RELL1: variants seen among roughly 807,000 people sequenced by gnomAD.
RELL1 encodes the protein RELT-like protein 1.
RELL1 carries 10 observed loss-of-function variants against 23.0 expected under a neutral mutation model. The observed-to-expected ratio is 0.43, with a 90% CI of 0.27 to 0.74. The LOEUF (loss-of-function observed/expected upper bound fraction) is 0.74, where lower values mean the gene tolerates loss of function less well. RELL1 is among the 30% of genes least tolerant of loss of function. The pLI, the probability that RELL1 is intolerant of heterozygous loss-of-function variation, is 0.19. For synonymous variants in RELL1, 146 were observed against 146.8 expected, an observed-to-expected ratio of 0.99 and a Z score of 0.04; for missense variants, 315 against 364.4, an observed-to-expected ratio of 0.86 and a Z score of 1.10.
At chr4:37,623,882 C>A (rs966763009) in intron 6 of RELL1, among the ~76,000 whole-genome samples, 4 of 152,046 alleles carry the variant, frequency 2.6e-5, no homozygotes, top group African/African-American at 9.7e-5. Flanking sequence ...GATCCTTTTG[C>A]TTTTTAAAAA....
intron 3 of RELL1, among the ~76,000 whole-genome samples, chr4:37,646,472 A>G (rs1720714741): frequency 6.6e-6 from 1 of 152,186 alleles, no homozygotes; most frequent in Non-Finnish European, 1.5e-5. Context: ...TAAAGTGTCC[A>G]GAGCTTCAGC....
intron 6 of RELL1, among the ~76,000 whole-genome samples, chr4:37,602,895 C>A (rs1719052597): frequency 6.6e-6 from 1 of 152,282 alleles, no homozygotes; most frequent in East Asian, 1.9e-4. Context: ...TCATTCTCAC[C>A]AGTATCCAGG....
chr4:37,590,029 G>C, downstream of RELL1: 1 of 1,214,880 alleles, frequency 8.2e-7, no homozygotes, highest in Non-Finnish European at 1.2e-6. Context: ...AGCAGGGCCT[G>C]TGGTAAAAAG....
At chr4:37,651,310 G>A (rs1577590708) in intron 1 of RELL1, among the ~76,000 whole-genome samples, 1 of 152,118 alleles carries the variant, frequency 6.6e-6, no homozygotes, top group Admixed American at 6.5e-5. Flanking sequence ...ATGGAAAAAT[G>A]AGGAGAGAAA....
At chr4:37,650,928 A>G (rs887653733) in intron 1 of RELL1, among the ~76,000 whole-genome samples, 2 of 152,002 alleles carry the variant, frequency 1.3e-5, no homozygotes, top group African/African-American at 4.8e-5. Context: ...GCATTGTGGT[A>G]CACAACTGTG....
Position 37,610,806 on chromosome 4 carries a change from T to C in RELL1, c.*2540A>G, listed in dbSNP as rs1196577495. ...ATGACACCAAAAAGTTGTCCATCAT[T>C]AGTGTTTTCTAGAGAAAGTCTGTTG... On this transcript the variant is annotated 3_prime_UTR_variant, in exon 7 of 7. Coordinates refer to ENST00000454158, the MANE Select transcript of RELL1 (RefSeq NM_001085400.2). The surrounding 1 kb of genome is among the most constrained non-coding windows in gnomAD (Gnocchi z 4.1). 2.0e-5 allele frequency among the ~76,000 whole-genome samples: 3 copies of C among 152,216 alleles called. No individual in the cohort carries two copies. Among genetic ancestry groups the C allele is most frequent in the Non-Finnish European group, 4.4e-5 (3 of 68,038 alleles).
At chr4:37,629,115 G>C (rs1449734967) in intron 6 of RELL1, among the ~76,000 whole-genome samples, 1 of 152,104 alleles carries the variant, frequency 6.6e-6, no homozygotes, top group Non-Finnish European at 1.5e-5. Context: ...GTTCCTAATC[G>C]AGGGCAAGCC....
At chr4:37,589,891 C>G (rs1718511231), downstream of RELL1, among the ~76,000 whole-genome samples, 1 of 152,242 alleles carries the variant, frequency 6.6e-6, no homozygotes, top group Non-Finnish European at 1.5e-5. Context: ...CTTGGCCACC[C>G]AAATTGCTGA....
intron 1 of RELL1, among the ~76,000 whole-genome samples, chr4:37,669,552 A>G (rs1262299820): frequency 6.6e-6 from 1 of 152,126 alleles, no homozygotes; most frequent in Non-Finnish European, 1.5e-5. Flanking sequence ...CTCATTGAGA[A>G]CGGGCCATGA....
downstream of RELL1, among the ~76,000 whole-genome samples, chr4:37,589,879 G>C (rs757115067): frequency 1.3e-5 from 2 of 152,188 alleles, no homozygotes; most frequent in Non-Finnish European, 2.9e-5. Flanking sequence ...TGATCCACCC[G>C]CCTTGGCCAC....
At chr4:37,677,997 CTGAG>C (rs1483586397) in intron 1 of RELL1, among the ~76,000 whole-genome samples, 3 of 152,106 alleles carry the variant, frequency 2.0e-5, no homozygotes, top group African/African-American at 7.2e-5. Context: ...ATACCTGAGA[CTGAG>C]TAATTTATTT....
chr4:37,669,061 G>A (rs1286765747), intron 1 of RELL1, among the ~76,000 whole-genome samples: 5 of 124,180 alleles, frequency 4.0e-5, no homozygotes, highest in African/African-American at 7.8e-5. Context: ...AGGTGGGGGG[G>A]TCAGCCCCCC....
In RELL1 at chr4:37,657,100, T is replaced by C. The variant is rs182567774; in HGVS notation, c.89-7600A>G. Among the ~76,000 whole-genome samples, 612 of 152,340 alleles carry C rather than the reference T, an allele frequency of 4.0e-3. 3 individuals are homozygous for C. Among genetic ancestry groups the C allele is most frequent in the African/African-American group, 0.014 (570 of 41,568 alleles). ...AGGAGCAGCTTGGGATTTTTTAACC[T>C]TTCCCTTCTTGGATTTTGCTCCCTG... On this transcript the variant is annotated intron_variant, in intron 1 of 6. Transcript: ENST00000454158.
chr4:37,686,333 C>T lies in RELL1; in HGVS notation c.-46G>A, dbSNP rs1457623323. 2.2e-5 allele frequency: 31 copies of T among 1,422,548 alleles called. No homozygotes were observed. Among genetic ancestry groups the T allele is most frequent in the South Asian group, 2.7e-5 (2 of 73,242 alleles). The allele number at this position is 1,422,548 out of a possible 1,614,324, so 88.1% of individuals were successfully genotyped here. A position where few individuals can be genotyped will look rare whatever the true frequency, so the allele number is the denominator to read the frequency against. On this transcript the variant is annotated 5_prime_UTR_variant, in exon 1 of 7. Coordinates refer to ENST00000454158, the MANE Select transcript of RELL1 (RefSeq NM_001085400.2). Reference sequence around the variant, plus strand: ...CTCCCCCAGGGCGCCGCGTCCCGCGCTCGGGAAGGCAGAGCCGCTCCGGAG... The same window carrying T: ...CTCCCCCAGGGCGCCGCGTCCCGCGTTCGGGAAGGCAGAGCCGCTCCGGAG...
At chr4:37,634,819 TA>T in intron 5 of RELL1, 67 bp downstream of exon 5, 1 of 1,268,454 alleles carries the variant, frequency 7.9e-7, no homozygotes, top group Non-Finnish European at 1.2e-6. Flanking sequence ...ATCTGACAGG[TA>T]AGCAGAAGTC....
chr4:37,586,322 G>A (rs937940), downstream of RELL1, among the ~76,000 whole-genome samples: 140,303 of 152,152 alleles, frequency 0.92, 65,035 homozygotes, highest in Non-Finnish European at 0.98. Context: ...TAGTGCTCTC[G>A]TTTTTAATCC....
At chr4:37,620,317 G>C (rs1719723725) in intron 6 of RELL1, among the ~76,000 whole-genome samples, 1 of 152,104 alleles carries the variant, frequency 6.6e-6, no homozygotes, top group Admixed American at 6.5e-5. Context: ...TCTTTACTGG[G>C]TTATATTCTC....
intron 6 of RELL1, among the ~76,000 whole-genome samples, chr4:37,601,158 A>G (rs1719005833): frequency 6.6e-6 from 1 of 152,238 alleles, no homozygotes; most frequent in South Asian, 2.1e-4. Flanking sequence ...CTCAGGCCCC[A>G]TAGGCTTTGC....
chr4:37,643,658 A>T (rs1720600570), intron 3 of RELL1, among the ~76,000 whole-genome samples: 1 of 152,244 alleles, frequency 6.6e-6, no homozygotes, highest in South Asian at 2.1e-4. Flanking sequence ...AGAAAATATC[A>T]ACAGAGAAGT....
Sources: gnomAD v4.1 joint callset for allele counts (sites outside exome capture counted in the v4.1 genomes callset) on GRCh38, gnomAD v4.1.1 for gene constraint, Gnocchi (gnomAD v3.1) non-coding constraint, MANE v1.5 for transcripts, NCBI Gene and HGNC (gene_info 2026-07-23, HGNC 2026-07-21) for gene names.